The following TEX14 variants were observed in gnomAD, a reference collection of about 807,000 sequenced individuals.
TEX14 encodes inactive serine/threonine-protein kinase TEX14.
A neutral mutation model predicts 178.6 loss-of-function variants in TEX14; 168 were observed. The observed-to-expected ratio is 0.94, with a 90% CI of 0.83 to 1.07. TEX14 has a LOEUF of 1.07. Among genes scored for constraint, TEX14 ranks in the 50% least tolerant of loss-of-function variants. TEX14 has a pLI of 0.00. For missense variants in TEX14, 1,730 were observed against 1,753.6 expected (o/e 0.99, Z 0.24); for synonymous variants, 626 against 634.1 (o/e 0.99, Z 0.19).
rs750248719 is a variant in TEX14 at position 58,599,524 on chromosome 17, G to C, written c.1821C>G (p.Ala607=). The change falls in exon 14 of 32, where the codon GCC becomes GCG. Residue 607 remains alanine (A), a synonymous_variant. Coordinates refer to ENST00000349033, the MANE Select transcript of TEX14 (RefSeq NM_031272.5). ...PCPAPFMAEE[A]SSPSTGQPSL... is the part of the protein sequence containing the mutation. Reference sequence around the variant, plus strand: ...TTGGCTGACCTGTGCTGGGGCTGCTGGCCTCTTCTGCCATAAATGGAGCAG... The same window carrying C: ...TTGGCTGACCTGTGCTGGGGCTGCTCGCCTCTTCTGCCATAAATGGAGCAG... The C allele has an allele frequency of 1.2e-6, 2 of 1,613,832 alleles. No individual in the cohort carries two copies. The highest frequency in any genetic ancestry group is 4.5e-5 in the East Asian group (2 of 44,868).
intron 5 of TEX14, among the ~76,000 whole-genome samples, chr17:58,619,944 C>A (rs2045960128): frequency 6.6e-6 from 1 of 151,972 alleles, no homozygotes; most frequent in African/African-American, 2.4e-5. Context: ...TCCACATTTA[C>A]ACTTGGGTTT....
intron 1 of TEX14, among the ~76,000 whole-genome samples, chr17:58,680,512 C>T (rs997847249): frequency 1.3e-5 from 2 of 152,116 alleles, no homozygotes; most frequent in Admixed American, 6.6e-5. Context: ...GAGGCCAATG[C>T]GGGCAGATCA....
chr17:58,685,996 CAAAAA>C (rs34156664), intron 1 of TEX14, among the ~76,000 whole-genome samples: 1 of 82,652 alleles, frequency 1.2e-5, no homozygotes, highest in Non-Finnish European at 2.2e-5. Context: ...CTCTGTCTCA[CAAAAA>C]AAAAAAAAAA....
At chr17:58,683,655 C>T (rs1036229276) in intron 1 of TEX14, among the ~76,000 whole-genome samples, 1 of 151,226 alleles carries the variant, frequency 6.6e-6, no homozygotes, top group Non-Finnish European at 1.5e-5. Flanking sequence ...CCCAGCTACT[C>T]GGGAGGCTGA....
At position 58,630,558 on chromosome 17, in the gene TEX14, C is replaced by T. The variant is rs1460378988; in HGVS notation, c.137-4G>A. The T allele has an allele frequency of 1.9e-6, 3 of 1,600,488 alleles. No individual in the cohort carries two copies. The South Asian group carries it at 3.3e-5, about 18-fold the overall frequency. The stretch of plus-strand genomic sequence containing the variant: ...TTAACTGCATCAACATAAATTCCTG[C>T]AAAGGAAATATCAGAATCAATGCAA... On this transcript the variant is annotated splice_polypyrimidine_tract_variant and splice_region_variant and intron_variant, in intron 2 of 31. Transcript: ENST00000349033.
intron 1 of TEX14, among the ~76,000 whole-genome samples, chr17:58,657,501 G>GTT (rs2046994149): frequency 2.0e-5 from 2 of 98,458 alleles, no homozygotes; most frequent in African/African-American, 8.1e-5. Flanking sequence ...TACGGGAAAT[G>GTT]CTTTTTTTTT....
In TEX14 at chr17:58,622,844, T is replaced by C. The variant is rs1004393601; in HGVS notation, c.417+3A>G. The C allele has an allele frequency of 1.1e-5, 18 of 1,604,880 alleles. No homozygotes were observed. The highest frequency in any genetic ancestry group is 1.5e-5 in the Non-Finnish European group (18 of 1,173,386). ...ATGGCTACAGAGTGGGACCCACCCT[T>C]ACCTGGGTGCTACGCTCCTTTCCTG... On this transcript the variant is annotated splice_donor_region_variant and intron_variant, in intron 4 of 31. Transcript: ENST00000349033.
chr17:58,626,428 G>C lies in TEX14; in HGVS notation c.252-3416C>G, dbSNP rs958918933. Among the ~76,000 whole-genome samples the C allele has an allele frequency of 3.9e-5, 6 of 151,932 alleles. No individual in the cohort carries two copies. The East Asian group carries it at 1.2e-3, about 29-fold the overall frequency. On this transcript the variant is annotated intron_variant, in intron 3 of 31. Transcript: ENST00000349033. ...TAAAAATACAAACAAAAATTAGCCG[G>C]GCATAGTGGCGTGTGCCTGTAATCC... is the stretch of plus-strand genomic sequence containing the variant.
At chr17:58,559,597 T>A (rs1405132580) in intron 29 of TEX14, 35 bp from the exon 30 acceptor site, 2 of 1,004,754 alleles carry the variant, frequency 2.0e-6, no homozygotes, top group East Asian at 2.4e-5. Flanking sequence ...TCAAAACGTA[T>A]ACACAACAGC....
chr17:58,558,169 G>C (rs2044189616), intron 30 of TEX14, among the ~76,000 whole-genome samples: 1 of 152,210 alleles, frequency 6.6e-6, no homozygotes, highest in South Asian at 2.1e-4. Flanking sequence ...GGTTCTGGAG[G>C]AAACAGAATG....
intron 28 of TEX14, among the ~76,000 whole-genome samples, chr17:58,563,874 T>C (rs1175335855): frequency 6.7e-6 from 1 of 149,126 alleles, no homozygotes; most frequent in African/African-American, 2.5e-5. Context: ...AAAGAAGATA[T>C]ACAAATGGCC....
intron 1 of TEX14, among the ~76,000 whole-genome samples, chr17:58,662,427 A>T (rs2047132690): frequency 6.6e-6 from 1 of 150,528 alleles, no homozygotes; most frequent in African/African-American, 2.4e-5. Flanking sequence ...ACACACACAC[A>T]CACACACACA....
chr17:58,603,463 G>A (rs1427839277), intron 11 of TEX14, among the ~76,000 whole-genome samples: 4 of 151,084 alleles, frequency 2.6e-5, no homozygotes, highest in African/African-American at 4.9e-5. Flanking sequence ...GCCGAGGCAG[G>A]AGAATCACTT....
chr17:58,662,009 A>G (rs1040461048), intron 1 of TEX14, among the ~76,000 whole-genome samples: 1 of 151,990 alleles, frequency 6.6e-6, no homozygotes, highest in Non-Finnish European at 1.5e-5. Context: ...AAGTATCTGC[A>G]GTTCCTGCCA....
chr17:58,639,020 C>T (rs12951494), intron 2 of TEX14, among the ~76,000 whole-genome samples: 72,872 of 150,596 alleles, frequency 0.48, 18,311 homozygotes, highest in Middle Eastern at 0.57. Flanking sequence ...CCTGCCACCA[C>T]GCCTGGCTAA....
intron 22 of TEX14, among the ~76,000 whole-genome samples, chr17:58,573,959 A>C (rs1318779888): frequency 1.3e-5 from 2 of 152,142 alleles, no homozygotes; most frequent in Non-Finnish European, 2.9e-5. Flanking sequence ...GCGTAAACTT[A>C]TTATTATTAT....
chr17:58,572,387 TTG>T (rs2044554480), intron 23 of TEX14, among the ~76,000 whole-genome samples: 1 of 152,050 alleles, frequency 6.6e-6, no homozygotes, highest in African/African-American at 2.4e-5. Flanking sequence ...TCCCAGCACT[TTG>T]TGGGAGGCCG....
At chr17:58,659,322 C>T (rs1024884575) in intron 1 of TEX14, 3 of 982,096 alleles carry the variant, frequency 3.1e-6, no homozygotes, top group East Asian at 1.1e-4. Flanking sequence ...CTTAATATTG[C>T]TAATACCTTA....
chr17:58,606,029 T>C (rs566067320), intron 10 of TEX14, among the ~76,000 whole-genome samples: 17 of 152,332 alleles, frequency 1.1e-4, no homozygotes, highest in Admixed American at 7.8e-4. Context: ...CAAAGCCATC[T>C]GGGACTTCCC....
Sources: gnomAD v4.1 joint callset for allele counts (sites outside exome capture counted in the v4.1 genomes callset) on GRCh38, gnomAD v4.1.1 for gene constraint, MANE v1.5 for transcripts, NCBI Gene and HGNC (gene_info 2026-07-23, HGNC 2026-07-21) for gene names.